Variants in NCOA2 observed in about 807,000 individuals in gnomAD.
NCOA2 encodes the protein class E basic helix-loop-helix protein 75.
NCOA2 carries 21 observed loss-of-function variants against 145.1 expected under a neutral mutation model. The ratio of observed to expected loss-of-function variants is 0.14; its 90% CI spans 0.10 to 0.21. NCOA2 has a LOEUF of 0.21. Among genes scored for constraint, NCOA2 ranks in the 10% least tolerant of loss-of-function variants. NCOA2 has a pLI of 1.00. For synonymous variants in NCOA2, 619 were observed against 637.5 expected (o/e 0.97, Z 0.44); for missense variants, 1,472 against 1,837.6 (o/e 0.80, Z 3.64).
the NCOA2 span, among the ~76,000 whole-genome samples, chr8:70,439,706 T>C: frequency 6.6e-6 from 1 of 152,164 alleles, no homozygotes; most frequent in Admixed American, 6.5e-5. Context: ...CCAACCCAGA[T>C]GCCCACCTGG....
At chr8:70,249,890 G>T (rs760436447) in intron 2 of NCOA2, among the ~76,000 whole-genome samples, 8 of 143,350 alleles carry the variant, frequency 5.6e-5, no homozygotes, top group Non-Finnish European at 1.2e-4. Flanking sequence ...TTGAACCTGG[G>T]AGGCAGAGGT....
chr8:70,268,198 T>C (rs1479584890), intron 2 of NCOA2, among the ~76,000 whole-genome samples: 5 of 152,304 alleles, frequency 3.3e-5, no homozygotes, highest in South Asian at 4.1e-4. Flanking sequence ...TCTATCCTCA[T>C]TGTCTTTATA....
At chr8:70,153,983 A>G (rs1812030032) in intron 11 of NCOA2, among the ~76,000 whole-genome samples, 1 of 152,188 alleles carries the variant, frequency 6.6e-6, no homozygotes, top group Non-Finnish European at 1.5e-5. Flanking sequence ...ATCAAAGTGA[A>G]AGAAATAAGG....
At chr8:70,305,791 A>G (rs116089173) in intron 1 of NCOA2, among the ~76,000 whole-genome samples, 1,727 of 152,344 alleles carry the variant, frequency 0.011, 42 homozygotes, top group African/African-American at 0.039. Flanking sequence ...AAGTATGTCA[A>G]TATTTTACAG....
intron 1 of NCOA2, among the ~76,000 whole-genome samples, chr8:70,319,539 A>AAT (rs1805877853): frequency 6.7e-6 from 1 of 149,074 alleles, no homozygotes; most frequent in South Asian, 2.2e-4. Context: ...CCCTGTCTCA[A>AAT]AAATAAATAA....
intron 13 of NCOA2, among the ~76,000 whole-genome samples, chr8:70,142,560 A>C (rs1170882049): frequency 6.6e-6 from 1 of 152,092 alleles, no homozygotes; most frequent in Non-Finnish European, 1.5e-5. Context: ...TTAGCCGGGC[A>C]TGGTGGCAGA....
At chr8:70,325,821 C>G (rs1488330711) in intron 1 of NCOA2, among the ~76,000 whole-genome samples, 1 of 152,122 alleles carries the variant, frequency 6.6e-6, no homozygotes, top group Non-Finnish European at 1.5e-5. Context: ...CATGGGTGGC[C>G]CATTTACTTG....
At chr8:70,387,231 A>G (rs1812748703) in intron 1 of NCOA2, among the ~76,000 whole-genome samples, 1 of 152,168 alleles carries the variant, frequency 6.6e-6, no homozygotes, top group Non-Finnish European at 1.5e-5. Context: ...GTGGCTATTC[A>G]TATAACACAC....
intron 12 of NCOA2, 81 bp downstream of exon 12, chr8:70,148,192 G>C: frequency 7.4e-7 from 1 of 1,356,662 alleles, no homozygotes; most frequent in Middle Eastern, 1.9e-4. Context: ...TAAGCTGGTT[G>C]CATCAGACTT....
rs767408261 is a variant in NCOA2 at position 70,213,981 on chromosome 8, C to T, written c.181G>A (p.Asp61Asn). Residue 61 changes from aspartate (D) to asparagine (N), a missense_variant, in exon 4 of 23, where the codon GAC becomes AAC. Asp to Asn is a conservative substitution (Grantham distance 23). Transcript: ENST00000452400. ...TTGTCAGGTTTGAAGTTAAAGTTGTCTATATCATTAAAATTTGCAAAAATC... is the reference window on the plus strand; with the variant it reads ...TTGTCAGGTTTGAAGTTAAAGTTGTTTATATCATTAAAATTTGCAAAAATC... ...ELIFANFNDI[D>N]NFNFKPDKCA... 1.2e-6 allele frequency: 2 copies of T among 1,612,766 alleles called. No homozygotes were observed. Among genetic ancestry groups the T allele is most frequent in the Admixed American group, 1.7e-5 (1 of 59,854 alleles).
chr8:70,265,812 T>TTTG (rs139056239), intron 2 of NCOA2, among the ~76,000 whole-genome samples: 7,046 of 151,120 alleles, frequency 0.047, 261 homozygotes, highest in East Asian at 0.16. Context: ...ACTTCAGTTT[T>TTTG]TTGTTGTTGT....
chr8:70,446,813 T>C, the NCOA2 span, among the ~76,000 whole-genome samples: 1 of 152,214 alleles, frequency 6.6e-6, no homozygotes, highest in African/African-American at 2.4e-5. Context: ...TAAGAAAATA[T>C]GCCATTTAAC....
At position 70,214,059 on chromosome 8, in the gene NCOA2, C is replaced by T. The variant is rs1819332709; in HGVS notation, c.103G>A (p.Glu35Lys). The T allele has an allele frequency of 1.2e-6, 2 of 1,604,362 alleles. No individual in the cohort carries two copies. Among genetic ancestry groups the T allele is most frequent in the Non-Finnish European group, 1.7e-6 (2 of 1,177,944 alleles). The change falls in exon 4 of 23, where the codon GAA becomes AAA. Residue 35 changes from glutamate to lysine, a missense_variant. Physicochemically the swap from Glu to Lys is moderately conservative, Grantham distance 56. Coordinates refer to ENST00000452400, the MANE Select transcript of NCOA2 (RefSeq NM_006540.4). ...QLGPSPKRNT[E>K]KRNREQENKY... Reference sequence around the variant, plus strand: ...TTTTCCTGTTCACGATTACGTTTTTCAGTGTTCCTTTTGGGGCTTAAAAGA... The same window carrying T: ...TTTTCCTGTTCACGATTACGTTTTTTAGTGTTCCTTTTGGGGCTTAAAAGA...
intron 1 of NCOA2, among the ~76,000 whole-genome samples, chr8:70,361,636 A>G (rs1472599137): frequency 6.6e-6 from 1 of 152,228 alleles, no homozygotes; most frequent in Non-Finnish European, 1.5e-5. Context: ...ATTCAAAAGA[A>G]TATGTTGTCT....
chr8:70,266,446 G>T (rs1286747788), intron 2 of NCOA2, among the ~76,000 whole-genome samples: 1 of 152,134 alleles, frequency 6.6e-6, no homozygotes, highest in African/African-American at 2.4e-5. Context: ...CCTTAATCTA[G>T]CATGTAAAGG....
intron 21 of NCOA2, among the ~76,000 whole-genome samples, chr8:70,123,572 ACACT>A (rs1808069608): frequency 6.6e-6 from 1 of 151,950 alleles, no homozygotes; most frequent in African/African-American, 2.4e-5. Context: ...TTTTAAAAGT[ACACT>A]CACTATTTCA....
chr8:70,343,212 A>G (rs1046340932), intron 1 of NCOA2, among the ~76,000 whole-genome samples: 15 of 152,182 alleles, frequency 9.9e-5, no homozygotes, highest in Admixed American at 9.8e-4. Flanking sequence ...ATCCCTTTAA[A>G]AACTTGCATT....
intron 2 of NCOA2, among the ~76,000 whole-genome samples, chr8:70,219,810 C>T (rs765485882): frequency 7.9e-5 from 12 of 152,126 alleles, no homozygotes; most frequent in Non-Finnish European, 1.8e-4. Context: ...AGTGGACTGT[C>T]TGATATTTCT....
At chr8:70,135,840 A>T (rs752931068) in intron 15 of NCOA2, among the ~76,000 whole-genome samples, 46 of 152,218 alleles carry the variant, frequency 3.0e-4, no homozygotes, top group Non-Finnish European at 5.3e-4. Flanking sequence ...TGGAAATCCC[A>T]TACCTTAAAG....
Sources: gnomAD v4.1 joint callset for allele counts (sites outside exome capture counted in the v4.1 genomes callset) on GRCh38, gnomAD v4.1.1 for gene constraint, MANE v1.5 for transcripts, NCBI Gene and HGNC (gene_info 2026-07-23, HGNC 2026-07-21) for gene names.